Variants in ADCY2 observed in about 807,000 individuals in gnomAD.
ADCY2 encodes the protein adenylate cyclase 2.
Under a neutral mutation model 125.2 loss-of-function variants are expected in ADCY2, and 31 were observed. That is an observed-to-expected ratio of 0.25 (90% confidence interval 0.19 to 0.33). The LOEUF (loss-of-function observed/expected upper bound fraction) is 0.33, where lower values mean the gene tolerates loss of function less well. Among genes scored for constraint, ADCY2 ranks in the 10% least tolerant of loss-of-function variants. ADCY2 has a pLI of 1.00. For synonymous variants in ADCY2, 512 were observed against 548.4 expected (o/e 0.93, Z 0.93); for missense variants, 904 against 1,418.2 (o/e 0.64, Z 5.82).
chr5:7,628,705 C>G (rs1221990925), intron 4 of ADCY2, among the ~76,000 whole-genome samples: 4 of 152,036 alleles, frequency 2.6e-5, no homozygotes, highest in Non-Finnish European at 5.9e-5. Context: ...GAGTCTACTC[C>G]TAGAATGCAG....
intron 22 of ADCY2, among the ~76,000 whole-genome samples, chr5:7,807,427 A>C (rs1343203817): frequency 6.6e-6 from 1 of 152,182 alleles, no homozygotes; most frequent in Non-Finnish European, 1.5e-5. Context: ...CCAAAATTCC[A>C]GTCCAATCAC....
intron 3 of ADCY2, among the ~76,000 whole-genome samples, chr5:7,572,200 T>C (rs1736089937): frequency 6.6e-6 from 1 of 152,128 alleles, no homozygotes; most frequent in South Asian, 2.1e-4. Context: ...TCTTCAGGTA[T>C]TTGTGGAATT....
chr5:7,756,580 A>G (rs1742998002), intron 15 of ADCY2, among the ~76,000 whole-genome samples: 1 of 152,228 alleles, frequency 6.6e-6, no homozygotes, highest in Admixed American at 6.5e-5. Context: ...AGCCAGTCAC[A>G]AAAGGAGAAC....
At chr5:7,665,604 C>G (rs1739686158) in intron 4 of ADCY2, among the ~76,000 whole-genome samples, 1 of 152,000 alleles carries the variant, frequency 6.6e-6, no homozygotes, top group African/African-American at 2.4e-5. Flanking sequence ...GACTCCTTGT[C>G]GTGACGAGGT....
chr5:7,596,277 C>T (rs1021622998), intron 3 of ADCY2, among the ~76,000 whole-genome samples: 2 of 31,980 alleles, frequency 6.3e-5, no homozygotes, highest in Non-Finnish European at 9.4e-5. Flanking sequence ...CCAAAAACTC[C>T]CCCCCCCCAC....
At chr5:7,674,271 A>G (rs1285010092) in intron 4 of ADCY2, among the ~76,000 whole-genome samples, 1 of 151,932 alleles carries the variant, frequency 6.6e-6, no homozygotes, top group Non-Finnish European at 1.5e-5. Context: ...TTCCCGCTGT[A>G]TGGGAGGCTG....
chr5:7,538,995 C>G (rs1734910986), intron 3 of ADCY2, among the ~76,000 whole-genome samples: 1 of 151,572 alleles, frequency 6.6e-6, no homozygotes, highest in South Asian at 2.1e-4. Flanking sequence ...TCCTGAGTAG[C>G]TAGGACTACA....
At chr5:7,805,984 C>T (rs1220618183) in intron 22 of ADCY2, among the ~76,000 whole-genome samples, 1 of 151,974 alleles carries the variant, frequency 6.6e-6, no homozygotes, top group Non-Finnish European at 1.5e-5. Context: ...AGAAACAAGC[C>T]ATAAAAGAAA....
At chr5:7,689,454 A>G (rs1212378757) in intron 4 of ADCY2, among the ~76,000 whole-genome samples, 1 of 152,244 alleles carries the variant, frequency 6.6e-6, no homozygotes, top group Non-Finnish European at 1.5e-5. Context: ...TGGAGAAACT[A>G]GCTTCTATAC....
chr5:7,410,616 G>A (rs1419400149), intron 1 of ADCY2, among the ~76,000 whole-genome samples: 2 of 152,006 alleles, frequency 1.3e-5, no homozygotes, highest in African/African-American at 2.4e-5. Context: ...CATTTAGTAT[G>A]CATTATATGG....
chr5:7,765,538 T>C (rs1323013585), intron 16 of ADCY2, among the ~76,000 whole-genome samples: 1 of 152,198 alleles, frequency 6.6e-6, no homozygotes, highest in African/African-American at 2.4e-5. Flanking sequence ...AGAAATACCG[T>C]ATCTCGTATC....
chr5:7,544,467 T>C (rs1735090074), intron 3 of ADCY2, among the ~76,000 whole-genome samples: 1 of 152,152 alleles, frequency 6.6e-6, no homozygotes, highest in African/African-American at 2.4e-5. Context: ...CCCTCACGTC[T>C]CCAATTTCCT....
At chr5:7,740,408 A>G (rs1319630651) in intron 14 of ADCY2, among the ~76,000 whole-genome samples, 4 of 152,060 alleles carry the variant, frequency 2.6e-5, no homozygotes, top group African/African-American at 9.6e-5. Flanking sequence ...AAATGTTAAT[A>G]TATTCTAACA....
intron 2 of ADCY2, among the ~76,000 whole-genome samples, chr5:7,497,470 A>G (rs1743380598): frequency 6.6e-6 from 1 of 152,188 alleles, no homozygotes; most frequent in South Asian, 2.1e-4. Context: ...TACAGTTTCC[A>G]GTTTCAGTAT....
At chr5:7,654,026 C>T (rs557389187) in intron 4 of ADCY2, 28 of 455,936 alleles carry the variant, frequency 6.1e-5, no homozygotes, top group South Asian at 3.1e-4. Flanking sequence ...CATGGACCTG[C>T]GCTGGGCCAG....
intron 4 of ADCY2, among the ~76,000 whole-genome samples, chr5:7,630,462 A>T (rs1308836275): frequency 1.3e-5 from 2 of 152,164 alleles, no homozygotes; most frequent in Non-Finnish European, 2.9e-5. Flanking sequence ...TGGGTACTTT[A>T]TGTAGTACTT....
At chr5:7,469,075 C>G (rs1742235064) in intron 2 of ADCY2, among the ~76,000 whole-genome samples, 1 of 151,792 alleles carries the variant, frequency 6.6e-6, no homozygotes, top group Non-Finnish European at 1.5e-5. Context: ...ATGACAATTT[C>G]CATTTTCTGG....
intron 18 of ADCY2, among the ~76,000 whole-genome samples, chr5:7,779,109 A>G (rs1426043614): frequency 6.6e-6 from 1 of 152,186 alleles, no homozygotes; most frequent in Admixed American, 6.5e-5. Flanking sequence ...GATACCTACT[A>G]TCAGGGCAGC....
intron 3 of ADCY2, among the ~76,000 whole-genome samples, chr5:7,591,571 A>G (rs997286357): frequency 1.3e-5 from 2 of 152,136 alleles, no homozygotes; most frequent in African/African-American, 4.8e-5. Flanking sequence ...ACTCATTTTG[A>G]TCATGTCGAT....
Sources: gnomAD v4.1 joint callset for allele counts (sites outside exome capture counted in the v4.1 genomes callset) on GRCh38, gnomAD v4.1.1 for gene constraint, MANE v1.5 for transcripts, NCBI Gene and HGNC (gene_info 2026-07-23, HGNC 2026-07-21) for gene names.